CNTN4: variants seen among roughly 807,000 people sequenced by gnomAD.
CNTN4 encodes the protein contactin-4.
In CNTN4, 77 loss-of-function variants were observed where a neutral mutation model predicts 122.5. The observed-to-expected ratio is 0.63, with a 90% CI of 0.52 to 0.76. CNTN4 has a LOEUF of 0.76. Ranked by LOEUF, CNTN4 falls within the 30% of genes least tolerant of loss-of-function variation. The pLI is 0.00. For missense variants in CNTN4, 1,256 were observed against 1,259.1 expected (o/e 1.00, Z 0.04); for synonymous variants, 512 against 447.0 (o/e 1.15, Z -1.83).
intron 2 of CNTN4, among the ~76,000 whole-genome samples, chr3:2,205,544 G>T (rs1292430280): frequency 6.6e-6 from 1 of 151,916 alleles, no homozygotes; most frequent in Non-Finnish European, 1.5e-5. Context: ...AATAAAACCT[G>T]CTCAAGTTCT....
At chr3:2,974,407 C>A (rs1693223799) in intron 13 of CNTN4, among the ~76,000 whole-genome samples, 3 of 152,114 alleles carry the variant, frequency 2.0e-5, no homozygotes, top group Non-Finnish European at 4.4e-5. Flanking sequence ...TTACCATGCA[C>A]CATCACAGGC....
chr3:2,466,946 T>TTTTCTTTCTTTC (rs902151070), intron 3 of CNTN4, among the ~76,000 whole-genome samples: 3 of 148,544 alleles, frequency 2.0e-5, no homozygotes, highest in African/African-American at 5.0e-5. Flanking sequence ...AAATTAGTTT[T>TTTTCTTTCTTTC]TTTCTTTCTT....
chr3:2,601,387 A>C (rs2081039648), intron 4 of CNTN4, among the ~76,000 whole-genome samples: 1 of 152,192 alleles, frequency 6.6e-6, no homozygotes, highest in Non-Finnish European at 1.5e-5. Flanking sequence ...TATAAGGTGT[A>C]AGGAAGGGAT....
intron 4 of CNTN4, among the ~76,000 whole-genome samples, chr3:2,592,015 A>G (rs2080519307): frequency 6.6e-6 from 1 of 152,036 alleles, no homozygotes; most frequent in South Asian, 2.1e-4. Context: ...GTATGCTGGG[A>G]CTACAGGTGC....
chr3:2,140,900 A>G (rs1308028196), intron 2 of CNTN4, among the ~76,000 whole-genome samples: 4 of 152,156 alleles, frequency 2.6e-5, no homozygotes. Flanking sequence ...ATTGTGTCGG[A>G]ACATCTTTTG....
intron 2 of CNTN4, among the ~76,000 whole-genome samples, chr3:2,115,964 G>T (rs1377911122): frequency 6.6e-6 from 1 of 152,148 alleles, no homozygotes; most frequent in African/African-American, 2.4e-5. Flanking sequence ...TTAACTTTGG[G>T]AACCATGAGT....
chr3:2,711,280 A>T (rs915461812), intron 4 of CNTN4, among the ~76,000 whole-genome samples: 2 of 152,304 alleles, frequency 1.3e-5, no homozygotes, highest in Admixed American at 1.3e-4. Context: ...GTGCCTGGGT[A>T]ATCTCACACA....
intron 14 of CNTN4, among the ~76,000 whole-genome samples, chr3:2,992,643 G>C (rs1695154557): frequency 6.6e-6 from 1 of 152,066 alleles, no homozygotes; most frequent in Non-Finnish European, 1.5e-5. Context: ...GTATTTGTTT[G>C]GATGTAGTTC....
chr3:2,630,323 C>T (rs2082374701), intron 4 of CNTN4, among the ~76,000 whole-genome samples: 3 of 152,102 alleles, frequency 2.0e-5, no homozygotes, highest in South Asian at 2.1e-4. Context: ...ACTGTAGTCC[C>T]AACTACTCGG....
At chr3:2,859,969 A>G (rs1192142425) in intron 7 of CNTN4, among the ~76,000 whole-genome samples, 1 of 152,248 alleles carries the variant, frequency 6.6e-6, no homozygotes, top group Non-Finnish European at 1.5e-5. Flanking sequence ...TTCAAGAGCC[A>G]TATACCTGAC....
intron 2 of CNTN4, among the ~76,000 whole-genome samples, chr3:2,264,100 T>C (rs1336867080): frequency 6.6e-6 from 1 of 152,166 alleles, no homozygotes; most frequent in Non-Finnish European, 1.5e-5. Context: ...CTCTTCCATA[T>C]ACTGATTTTC....
intron 14 of CNTN4, among the ~76,000 whole-genome samples, chr3:3,013,935 C>A (rs1471012747): frequency 6.6e-6 from 1 of 152,024 alleles, no homozygotes; most frequent in African/African-American, 2.4e-5. Flanking sequence ...TGGGTCTTGC[C>A]TCACTATCTT....
intron 2 of CNTN4, among the ~76,000 whole-genome samples, chr3:2,287,917 T>C (rs570923118): frequency 6.6e-6 from 1 of 152,308 alleles, no homozygotes; most frequent in East Asian, 1.9e-4. Flanking sequence ...TAAAAATGTA[T>C]GAACTTATTG....
intron 2 of CNTN4, among the ~76,000 whole-genome samples, chr3:2,300,217 T>A (rs2042454180): frequency 2.0e-5 from 3 of 152,224 alleles, no homozygotes. Flanking sequence ...ATAACTTTTC[T>A]TAGGATTTAG....
In CNTN4 at chr3:2,520,259, C is replaced by CTTTTTTTTTTTTTTTTTT. The variant is rs397988483; in HGVS notation, c.-88-51143_-88-51126dup. On this transcript the variant is annotated intron_variant, in intron 3 of 24. Transcript: ENST00000418658. ...AAAAAGATAGGTTGGTGATTGCTTC[C>CTTTTTTTTTTTTTTTTTT]TTTTTTTTTTTTTTTTTTTTTTTTT... Among the ~76,000 whole-genome samples, 10 of 74,466 alleles carry CTTTTTTTTTTTTTTTTTT rather than the reference C, an allele frequency of 1.3e-4. 1 individual carries two copies. The highest frequency in any genetic ancestry group is 7.2e-4 in the African/African-American group (10 of 13,850). 48.9% of individuals were successfully genotyped at this position (74,466 alleles called of 152,430 possible).
chr3:2,853,325 AG>A (rs1441003374), intron 7 of CNTN4, among the ~76,000 whole-genome samples: 1 of 152,078 alleles, frequency 6.6e-6, no homozygotes, highest in African/African-American at 2.4e-5. Flanking sequence ...GCTCACTGCA[AG>A]CTCCGCCTCC....
rs1447825552 is a variant in CNTN4 at position 2,709,691 on chromosome 3, A to G, written c.56-26524A>G. Among the ~76,000 whole-genome samples, 5 of 152,096 alleles carry G rather than the reference A, an allele frequency of 3.3e-5. No homozygotes were observed. The highest frequency in any genetic ancestry group is 9.7e-5 in the African/African-American group (4 of 41,414). The stretch of plus-strand genomic sequence containing the variant: ...CACTTTGGGAGGCTGAGGCAGGTGG[A>G]TCACTTGAGGTCAGGAGTTCAAAAT... On this transcript the variant is annotated intron_variant, in intron 4 of 24. Coordinates refer to ENST00000418658, the MANE Select transcript of CNTN4 (RefSeq NM_175607.3). This position sits in a 1 kb window ranked among gnomAD's most constrained non-coding sequence, Gnocchi z 5.0.
chr3:2,113,510 T>C (rs2033116252), intron 2 of CNTN4, among the ~76,000 whole-genome samples: 1 of 152,206 alleles, frequency 6.6e-6, no homozygotes. Context: ...TATTAAAGAT[T>C]GATAGACATT....
intron 2 of CNTN4, among the ~76,000 whole-genome samples, chr3:2,314,357 T>G (rs933542240): frequency 3.9e-5 from 6 of 151,928 alleles, no homozygotes; most frequent in Admixed American, 3.3e-4. Context: ...CTAAAAAAAT[T>G]TTTTAATGAA....
Sources: gnomAD v4.1 joint callset for allele counts (sites outside exome capture counted in the v4.1 genomes callset) on GRCh38, gnomAD v4.1.1 for gene constraint, Gnocchi (gnomAD v3.1) non-coding constraint, MANE v1.5 for transcripts, NCBI Gene and HGNC (gene_info 2026-07-23, HGNC 2026-07-21) for gene names.